AP5B1: variants seen among roughly 807,000 people sequenced by gnomAD.
AP5B1 encodes the protein adaptor related protein complex 5 subunit beta 1.
A neutral mutation model predicts 5.7 loss-of-function variants in AP5B1; 3 were observed. That is an observed-to-expected ratio of 0.53 (90% CI 0.24 to 1.36). The LOEUF (loss-of-function observed/expected upper bound fraction) is 1.36. Among genes scored for constraint, AP5B1 ranks in the 40% most tolerant of loss-of-function variants. The pLI is 0.17. For synonymous variants in AP5B1, 696 were observed against 555.5 expected, an observed-to-expected ratio of 1.25 and a Z score of -3.56; for missense variants, 1,310 against 1,143.2, an observed-to-expected ratio of 1.15 and a Z score of -2.10.
In AP5B1 at chr11:65,779,078, A is replaced by G. The variant is rs1358549937; in HGVS notation, c.1415T>C (p.Val472Ala). Residue 472 changes from valine to alanine, a missense_variant, in exon 2 of 2, where the codon GTG becomes GCG. Physicochemically the swap from Val to Ala is moderately conservative, Grantham distance 64. Transcript: ENST00000532090. ...AGGTTGCCCAGCCAGGCAGCAGGCCACCAGATACGAGGCCTGGAAGCAGAG... is the reference window on the plus strand; with the variant it reads ...AGGTTGCCCAGCCAGGCAGCAGGCCGCCAGATACGAGGCCTGGAAGCAGAG... ...ATLCFQASYL[V>A]ACCLAGQPTV... 1.2e-6 allele frequency: 2 copies of G among 1,608,430 alleles called. No homozygotes were observed. Among genetic ancestry groups the G allele is most frequent in the African/African-American group, 1.3e-5 (1 of 74,880 alleles).
chr11:65,779,304 G>A lies in AP5B1; in HGVS notation c.1189C>T (p.Leu397=). ...EAAPLLLGPQ[L]CRGLLPSLLH... is the part of the protein sequence containing the mutation. ...AGACTGGGCAGGAGACCACGGCATA[G>A]CTGGGGCCCTAGCAGCAGTGGGGCA... is the stretch of plus-strand genomic sequence containing the variant. Residue 397 remains leucine, a synonymous_variant, in exon 2 of 2, where the codon CTA becomes TTA. Coordinates refer to ENST00000532090, the MANE Select transcript of AP5B1 (RefSeq NM_138368.5). The A allele has an allele frequency of 1.3e-6, 2 of 1,599,516 alleles. No homozygotes were observed. The highest frequency in any genetic ancestry group is 1.7e-5 in the Admixed American group (1 of 58,768).
In AP5B1 at chr11:65,779,527, T is replaced by C; in HGVS notation, c.966A>G (p.Thr322=). 6.2e-7 allele frequency: 1 copy of C among 1,606,618 alleles called. No homozygotes were observed. The highest frequency in any genetic ancestry group is 8.5e-7 in the Non-Finnish European group (1 of 1,177,788). ...LVRLLGTAQL[T]LLHAMLALKA... ...TGAGCGCAAGCATGGCGTGCAACAG[T>C]GTCAGCTGTGCTGTGCCTAGCAGCC... The change falls in exon 2 of 2, where the codon ACA becomes ACG. Residue 322 remains threonine, a synonymous_variant. Transcript: ENST00000532090.
chr11:65,778,611 C>T lies in AP5B1; in HGVS notation c.1882G>A (p.Gly628Arg), dbSNP rs967472208. 1 of 1,595,250 alleles carries T rather than the reference C, an allele frequency of 6.3e-7. No homozygotes were observed. The highest frequency in any genetic ancestry group is 1.3e-5 in the African/African-American group (1 of 74,756). ...GCAAGCGAGGGGCCCAGGGCCACCC[C>T]CAACTTGGGTGCTGCCAGGTGTGCC... The part of the protein sequence containing the change: ...LLAHLAAPKL[G>R]VALGPSLAAP... The change falls in exon 2 of 2, where the codon GGG becomes AGG. Residue 628 changes from glycine (G) to arginine (R), a missense_variant. By Grantham distance (125) the Gly-to-Arg change is moderately radical (BLOSUM62 -2). Coordinates refer to ENST00000532090, the MANE Select transcript of AP5B1 (RefSeq NM_138368.5).
In AP5B1 at chr11:65,778,180, C is replaced by A; in HGVS notation, c.2313G>T (p.Pro771=). The stretch of plus-strand genomic sequence containing the variant: ...CCAGCCCGGCCCCCTCTGGAGGCTG[C>A]GGGAAAGGCAGAAAGAGGTCGGCAA... ...VNFADLFLPF[P]QPPEGAGLGF... Residue 771 remains proline (P), a synonymous_variant, in exon 2 of 2, where the codon CCG becomes CCT. Transcript: ENST00000532090. 2 of 1,613,034 alleles carry A rather than the reference C, an allele frequency of 1.2e-6. No homozygotes were observed. The highest frequency in any genetic ancestry group is 1.1e-5 in the South Asian group (1 of 91,092).
Position 65,779,459 on chromosome 11 carries a change from G to T in AP5B1, c.1034C>A (p.Ala345Glu). 1 of 1,604,722 alleles carries T rather than the reference G, an allele frequency of 6.2e-7. No individual in the cohort carries two copies. Among genetic ancestry groups the T allele is most frequent in the African/African-American group, 1.3e-5 (1 of 74,932 alleles). The change falls in exon 2 of 2, where the codon GCG becomes GAG. Residue 345 changes from alanine to glutamate, a missense_variant. Ala to Glu is a moderately radical substitution (Grantham distance 107). Transcript: ENST00000532090. ...CAAGGTGAGCCGGCGGAGCAGCAAC[G>T]CTTCATCCTGGGCTGTGAACAAGGC... ...GEALFTAQDE[A>E]LLLRRLTLAA...
rs113195889 is a variant in AP5B1 at position 65,777,319 on chromosome 11, A to G, written c.*537T>C. ...GGGTGAGAAGGAACTCTGTAGCTCT[A>G]CAGTGCCGGGTTCTGTCTGGAAGCC... is the stretch of plus-strand genomic sequence containing the variant. On this transcript the variant is annotated 3_prime_UTR_variant, in exon 2 of 2. Coordinates refer to ENST00000532090, the MANE Select transcript of AP5B1 (RefSeq NM_138368.5). 0.014 allele frequency: 2,096 copies of G among 153,736 alleles called. 38 individuals carry two copies. Among genetic ancestry groups the G allele is most frequent in the African/African-American group, 0.048 (1,996 of 41,510 alleles). The allele number at this position is 153,736 out of a possible 1,614,324, so 9.5% of individuals were successfully genotyped here. A position where few individuals can be genotyped will look rare whatever the true frequency, so the allele number is the denominator to read the frequency against.
Position 65,777,640 on chromosome 11 carries a change from TTTA to T in AP5B1, c.*213_*215del, listed in dbSNP as rs1331188103. 24 of 583,720 alleles carry T rather than the reference TTTA, an allele frequency of 4.1e-5. No individual in the cohort carries two copies. The African/African-American group carries it at 4.3e-4, about 10-fold the overall frequency. The allele number at this position is 583,720 out of a possible 1,614,324, so 36.2% of individuals were successfully genotyped here. The stretch of plus-strand genomic sequence containing the variant: ...AGAGCTCTGAGCCAATACATTTCTG[TTTA>T]TTATAACTTACCCCGTCTCAGGGAT... On this transcript the variant is annotated 3_prime_UTR_variant, in exon 2 of 2. Transcript: ENST00000532090.
rs1245342492 is a variant in AP5B1 at position 65,779,956 on chromosome 11, T to C, written c.537A>G (p.Glu179=). The C allele has an allele frequency of 6.3e-7, 1 of 1,590,452 alleles. No homozygotes were observed. The highest frequency in any genetic ancestry group is 8.6e-7 in the Non-Finnish European group (1 of 1,168,650). Residue 179 remains glutamate (E), a synonymous_variant, in exon 2 of 2, where the codon GAA becomes GAG. Coordinates refer to ENST00000532090, the MANE Select transcript of AP5B1 (RefSeq NM_138368.5). The part of the protein sequence containing the change: ...LGLLRGLLGQ[E]GPVQPLSLLL... The stretch of plus-strand genomic sequence containing the variant: ...ACAGGCTGAGTGGCTGGACAGGGCC[T>C]TCCTGCCCCAGCAGGCCCCGCAGCA...
rs752231018 is a variant in AP5B1 at position 65,777,965 on chromosome 11, C to T, written c.2528G>A (p.Arg843Gln). The change falls in exon 2 of 2, where the codon CGG becomes CAG. Residue 843 changes from arginine (R) to glutamine (Q), a missense_variant. Coordinates refer to ENST00000532090, the MANE Select transcript of AP5B1 (RefSeq NM_138368.5). Reference protein sequence around the residue: ...HLPPDSKLLLRLEAALADGVP... With the variant: ...HLPPDSKLLLQLEAALADGVP... ...TCCATCTGCCAGGGCCGCCTCCAGC[C>T]GCAGCAGCAGCTTTGAGTCCGGGGG... 29 of 1,598,222 alleles carry T rather than the reference C, an allele frequency of 1.8e-5. No individual in the cohort carries two copies. The highest frequency in any genetic ancestry group is 1.1e-4 in the East Asian group (5 of 43,962).
chr11:65,780,320 A>G lies in AP5B1; in HGVS notation c.173T>C (p.Met58Thr), dbSNP rs200798182. Residue 58 changes from methionine to threonine, a missense_variant, in exon 2 of 2, where the codon ATG becomes ACG. Transcript: ENST00000532090. ...QTKVSLLALS[M>T]EYPAQLWPDA... is the part of the protein sequence containing the mutation. ...GGGCCACAGCTGCGCAGGGTACTCC[A>G]TGCTCAGGGCCAGCAGGGAAACCTG... 2,475 of 1,483,548 alleles carry G rather than the reference A, an allele frequency of 1.7e-3. 21 individuals are homozygous for G. The highest frequency in any genetic ancestry group is 8.2e-3 in the South Asian group (597 of 72,636). The allele number at this position is 1,483,548 out of a possible 1,614,324, so 91.9% of individuals were successfully genotyped here. A position where few individuals can be genotyped will look rare whatever the true frequency, so the allele number is the denominator to read the frequency against.
chr11:65,779,105 G>C lies in AP5B1; in HGVS notation c.1388C>G (p.Thr463Ser). The C allele has an allele frequency of 1.2e-6, 2 of 1,609,184 alleles. No individual in the cohort carries two copies. Among genetic ancestry groups the C allele is most frequent in the Non-Finnish European group, 1.7e-6 (2 of 1,178,418 alleles). The change falls in exon 2 of 2, where the codon ACT (threonine) becomes AGT (serine). Residue 463 changes from threonine (T) to serine (S), a missense_variant. Coordinates refer to ENST00000532090, the MANE Select transcript of AP5B1 (RefSeq NM_138368.5). Reference sequence around the variant, plus strand: ...CAGATACGAGGCCTGGAAGCAGAGAGTGGCCAAGGCCCGGGGGCCCCCATC... The same window carrying C: ...CAGATACGAGGCCTGGAAGCAGAGACTGGCCAAGGCCCGGGGGCCCCCATC... ...ALDGGPRALA[T>S]LCFQASYLVA...
rs1210380025 is a variant in AP5B1, at chr11:65,780,962, G to A, written c.-371C>T. On this transcript the variant is annotated 5_prime_UTR_variant, in exon 1 of 2. Transcript: ENST00000532090. ...GCCGCCGCGGGCACTCAGGCCGGCC[G>A]GCTCCTTCCGGGCTGGCGGCGCGGG... Among the ~76,000 whole-genome samples the A allele has an allele frequency of 6.7e-6, 1 of 149,000 alleles. No individual in the cohort carries two copies. Among genetic ancestry groups the A allele is most frequent in the Admixed American group, 6.7e-5 (1 of 14,990 alleles).
At position 65,777,868 on chromosome 11, in the gene AP5B1, C is replaced by T. The variant is rs190099029; in HGVS notation, c.2625G>A (p.Ala875=). ...PLAGDYLRGL[A]AAV is the part of the protein sequence containing the mutation. Reference sequence around the variant, plus strand: ...GGTCTCCCGGGGCTCAGACAGCAGCCGCCAGCCCACGGAGGTAGTCCCCCG... The same window carrying T: ...GGTCTCCCGGGGCTCAGACAGCAGCTGCCAGCCCACGGAGGTAGTCCCCCG... The change falls in exon 2 of 2, where the codon GCG becomes GCA. Residue 875 remains alanine (A), a synonymous_variant. Transcript: ENST00000532090. The T allele has an allele frequency of 8.7e-4, 1,325 of 1,527,738 alleles. 2 individuals carry two copies. The highest frequency in any genetic ancestry group is 7.6e-3 in the African/African-American group (553 of 72,708). 94.6% of individuals were successfully genotyped at this position (1,527,738 alleles called of 1,614,324 possible).
rs2135685342 is a variant in AP5B1 at position 65,775,523 on chromosome 11, G to C, written c.*2333C>G. Among the ~76,000 whole-genome samples the C allele has an allele frequency of 6.6e-6, 1 of 152,296 alleles. No individual in the cohort carries two copies. Among genetic ancestry groups the C allele is most frequent in the Non-Finnish European group, 1.5e-5 (1 of 68,018 alleles). On this transcript the variant is annotated 3_prime_UTR_variant, in exon 2 of 2. Coordinates refer to ENST00000532090, the MANE Select transcript of AP5B1 (RefSeq NM_138368.5). ...GGAGATGTTCAGTCCTTCTGCAGCA[G>C]CACCACGCTTCTGGCTTTGTGGGTG...
rs1565224255 is a variant in AP5B1 at position 65,776,561 on chromosome 11, T to TG, written c.*1294dup. 1.3e-5 allele frequency: 2 copies of TG among 151,852 alleles called. No homozygotes were observed. Among genetic ancestry groups the TG allele is most frequent in the African/African-American group, 4.8e-5 (2 of 41,372 alleles). 9.4% of individuals were successfully genotyped at this position (151,852 alleles called of 1,614,324 possible). A position where few individuals can be genotyped will look rare whatever the true frequency, so the allele number is the denominator to read the frequency against. On this transcript the variant is annotated 3_prime_UTR_variant, in exon 2 of 2. Transcript: ENST00000532090. ...GCTCAATCCTCAGTGTTTGCATGTT[T>TG]GGGAAAAAAAAACAACAACTAGAGG...
chr11:65,779,912 C>G lies in AP5B1; in HGVS notation c.581G>C (p.Arg194Pro), dbSNP rs1422971162. Residue 194 changes from arginine (R) to proline (P), a missense_variant, in exon 2 of 2, where the codon CGC (arginine) becomes CCC (proline). Transcript: ENST00000532090. ...CCGGGACTGGAGCACCAAGGTGTTG[C>G]GCAAAGCGAGGGCCAGCAACAGGCT... is the stretch of plus-strand genomic sequence containing the variant. ...PLSLLLALAL[R>P]NTLVLQSRVG... 2 of 1,591,340 alleles carry G rather than the reference C, an allele frequency of 1.3e-6. No homozygotes were observed. Among genetic ancestry groups the G allele is most frequent in the South Asian group, 2.3e-5 (2 of 88,378 alleles).
In AP5B1 at chr11:65,777,831, C is replaced by T; in HGVS notation, c.*25G>A. 1 of 1,496,896 alleles carries T rather than the reference C, an allele frequency of 6.7e-7. No homozygotes were observed. The highest frequency in any genetic ancestry group is 8.9e-7 in the Non-Finnish European group (1 of 1,120,528). The allele number at this position is 1,496,896 out of a possible 1,614,324, so 92.7% of individuals were successfully genotyped here. A position where few individuals can be genotyped will look rare whatever the true frequency, so the allele number is the denominator to read the frequency against. The stretch of plus-strand genomic sequence containing the variant: ...CTTGGCCCCCACAAGGGCCACAGTC[C>T]TGCCCCCACCTGGTCTCCCGGGGCT... On this transcript the variant is annotated 3_prime_UTR_variant, in exon 2 of 2. Coordinates refer to ENST00000532090, the MANE Select transcript of AP5B1 (RefSeq NM_138368.5).
In AP5B1 at chr11:65,780,503, T is replaced by A; in HGVS notation, c.89A>T (p.Glu30Val). The A allele has an allele frequency of 6.6e-7, 1 of 1,512,104 alleles. No homozygotes were observed. Among genetic ancestry groups the A allele is most frequent in the Non-Finnish European group, 8.8e-7 (1 of 1,136,792 alleles). 93.7% of individuals were successfully genotyped at this position (1,512,104 alleles called of 1,614,324 possible). A position where few individuals can be genotyped will look rare whatever the true frequency, so the allele number is the denominator to read the frequency against. Residue 30 changes from glutamate (E) to valine (V), a missense_variant, in exon 1 of 2, where the codon GAG becomes GTG. Physicochemically the swap from Glu to Val is moderately radical, Grantham distance 121 (BLOSUM62 -2). Coordinates refer to ENST00000532090, the MANE Select transcript of AP5B1 (RefSeq NM_138368.5). ...GCTCAGCAGGTCGCGACCCAAATCC[T>A]CCCCCTCGGGACCTGCCATGAAGGC... is the stretch of plus-strand genomic sequence containing the variant. ...PSAFMAGPEGEDLGRDLLSDL... is the reference protein window; with the variant it reads ...PSAFMAGPEGVDLGRDLLSDL...
chr11:65,779,700 G>C lies in AP5B1; in HGVS notation c.793C>G (p.Arg265Gly). The part of the protein sequence containing the change: ...TAREHSPEEA[R>G]ELRAAVIQLL... The stretch of plus-strand genomic sequence containing the variant: ...TGGATCACCGCAGCCCGCAGCTCCC[G>C]CGCCTCCTCAGGGCTGTGCTCTCGT... Residue 265 changes from arginine (R) to glycine (G), a missense_variant, in exon 2 of 2, where the codon CGG becomes GGG. Transcript: ENST00000532090. 2 of 1,612,098 alleles carry C rather than the reference G, an allele frequency of 1.2e-6. No individual in the cohort carries two copies. The highest frequency in any genetic ancestry group is 1.3e-5 in the African/African-American group (1 of 75,042).
Sources: gnomAD v4.1 joint callset for allele counts (sites outside exome capture counted in the v4.1 genomes callset) on GRCh38, gnomAD v4.1.1 for gene constraint, MANE v1.5 for transcripts, NCBI Gene and HGNC (gene_info 2026-07-23, HGNC 2026-07-21) for gene names.